ANXA4: variants seen among roughly 807,000 people sequenced by gnomAD.
The protein encoded by ANXA4 is 35-beta calcimedin.
A neutral mutation model predicts 49.8 loss-of-function variants in ANXA4; 39 were observed. The ratio of observed to expected loss-of-function variants is 0.78; its 90% confidence interval spans 0.61 to 1.02. The LOEUF (loss-of-function observed/expected upper bound fraction) is 1.02, where lower values mean the gene tolerates loss of function less well. ANXA4 is among the 50% of genes least tolerant of loss of function. ANXA4 has a pLI of 0.00. For missense variants in ANXA4, 360 were observed against 410.1 expected, an observed-to-expected ratio of 0.88 and a Z score of 1.05; for synonymous variants, 134 against 152.5, an observed-to-expected ratio of 0.88 and a Z score of 0.89.
intron 2 of ANXA4, among the ~76,000 whole-genome samples, chr2:69,667,556 A>G (rs967794353): frequency 3.0e-4 from 46 of 152,108 alleles, no homozygotes; most frequent in Admixed American, 2.6e-4. Flanking sequence ...CTATCTGTAG[A>G]GAACTGGACA....
intron 3 of ANXA4, among the ~76,000 whole-genome samples, chr2:69,724,780 C>G (rs1669915244): frequency 1.2e-5 from 1 of 86,568 alleles, no homozygotes; most frequent in African/African-American, 5.7e-5. Flanking sequence ...GAAAGATGAA[C>G]TCATTCGGCC....
chr2:69,726,336 C>G (rs148287471), intron 3 of ANXA4, among the ~76,000 whole-genome samples: 1 of 152,300 alleles, frequency 6.6e-6, no homozygotes, highest in African/African-American at 2.4e-5. Flanking sequence ...AATTAAACCT[C>G]TTTTCTTTAT....
intron 3 of ANXA4, among the ~76,000 whole-genome samples, chr2:69,721,363 C>A (rs1024678488): frequency 4.6e-5 from 7 of 152,208 alleles, no homozygotes; most frequent in African/African-American, 1.7e-4. Flanking sequence ...ACTGCAAAGG[C>A]ATTGGAAGGT....
intron 8 of ANXA4, among the ~76,000 whole-genome samples, chr2:69,813,756 CTCT>C (rs1377579272): frequency 1.2e-5 from 1 of 84,680 alleles, no homozygotes; most frequent in Non-Finnish European, 2.7e-5. Flanking sequence ...CTCTCTCTCT[CTCT>C]TTTTTTTTTT....
At chr2:69,778,007 T>G (rs376952813) in intron 1 of ANXA4, among the ~76,000 whole-genome samples, 28 of 152,338 alleles carry the variant, frequency 1.8e-4, no homozygotes, top group African/African-American at 6.3e-4. Context: ...AACAAACACG[T>G]GTGACTGTTC....
chr2:69,694,365 CT>C (rs5831981), intron 2 of ANXA4, among the ~76,000 whole-genome samples: 111 of 138,890 alleles, frequency 8.0e-4, no homozygotes, highest in South Asian at 1.9e-3. Flanking sequence ...CAATACATTT[CT>C]TTTTTTTTTT....
intron 1 of ANXA4, among the ~76,000 whole-genome samples, chr2:69,766,195 T>C (rs992069615): frequency 1.3e-5 from 2 of 152,170 alleles, no homozygotes; most frequent in Non-Finnish European, 2.9e-5. Context: ...GCCACAGATG[T>C]TTTTCATGTG....
At chr2:69,798,686 A>G (rs1251262308) in intron 3 of ANXA4, among the ~76,000 whole-genome samples, 1 of 152,224 alleles carries the variant, frequency 6.6e-6, no homozygotes, top group East Asian at 1.9e-4. Flanking sequence ...TGGCTCCTTA[A>G]TCAGCTGTCA....
chr2:69,759,987 C>A (rs1671213085), intron 1 of ANXA4, among the ~76,000 whole-genome samples: 1 of 152,092 alleles, frequency 6.6e-6, no homozygotes, highest in South Asian at 2.1e-4. Context: ...TGCCCGCCAC[C>A]ATGCCCGGCT....
chr2:69,752,672 G>A (rs527284709), intron 1 of ANXA4, among the ~76,000 whole-genome samples: 5 of 152,302 alleles, frequency 3.3e-5, no homozygotes, highest in Admixed American at 3.3e-4. Flanking sequence ...TCCACTGAGG[G>A]CAGGGACGAT....
At chr2:69,644,168 C>CTGGG, upstream of ANXA4, among the ~76,000 whole-genome samples, 1 of 12,484 alleles carries the variant, frequency 8.0e-5, no homozygotes, top group African/African-American at 2.0e-4. Flanking sequence ...ACTAAGTTCC[C>CTGGG]CCCCCCCCCC....
intron 12 of ANXA4, among the ~76,000 whole-genome samples, chr2:69,821,871 G>C (rs1674258376): frequency 6.6e-6 from 1 of 152,096 alleles, no homozygotes; most frequent in Admixed American, 6.5e-5. Flanking sequence ...TAAGATTCAA[G>C]GATGACGGTA....
chr2:69,746,161 G>A (rs921068416), intron 1 of ANXA4, among the ~76,000 whole-genome samples: 13 of 152,164 alleles, frequency 8.5e-5, no homozygotes, highest in African/African-American at 2.9e-4. Flanking sequence ...ACAGGCACAC[G>A]CCACCATGCC....
chr2:69,716,163 GAGTA>G (rs139143262), intron 2 of ANXA4, among the ~76,000 whole-genome samples: 2,415 of 152,264 alleles, frequency 0.016, 56 homozygotes, highest in African/African-American at 0.054. Context: ...ATGTACATAT[GAGTA>G]AGAGAGAGAG....
intron 2 of ANXA4, among the ~76,000 whole-genome samples, chr2:69,697,053 T>C (rs1678182834): frequency 6.6e-6 from 1 of 152,208 alleles, no homozygotes; most frequent in East Asian, 1.9e-4. Flanking sequence ...GAGTCGCCTG[T>C]CCTTTGAAGC....
intron 1 of ANXA4, among the ~76,000 whole-genome samples, chr2:69,760,063 A>C (rs894665242): frequency 1.3e-5 from 2 of 151,868 alleles, no homozygotes. Flanking sequence ...CTATCTCCTG[A>C]CCTCGTGATC....
Position 69,761,475 on chromosome 2 carries a change from C to T in ANXA4, c.-47+19300C>T, listed in dbSNP as rs531925034. On this transcript the variant is annotated intron_variant, in intron 1 of 12. Coordinates refer to ENST00000394295, the MANE Select transcript of ANXA4 (RefSeq NM_001153.5). Reference sequence around the variant, plus strand: ...CATGTTTTTTAAAAGAATTTCACTTCGAAGTGAAAAGGCTCTCGCTTTTAA... The same window carrying T: ...CATGTTTTTTAAAAGAATTTCACTTTGAAGTGAAAAGGCTCTCGCTTTTAA... Among the ~76,000 whole-genome samples, 83 of 152,178 alleles carry T rather than the reference C, an allele frequency of 5.5e-4. 1 individual carries two copies. The highest frequency in any genetic ancestry group is 1.9e-3 in the Admixed American group (29 of 15,276).
chr2:69,695,874 A>C (rs1678143833), intron 2 of ANXA4, among the ~76,000 whole-genome samples: 1 of 152,086 alleles, frequency 6.6e-6, no homozygotes, highest in African/African-American at 2.4e-5. Context: ...TACGTCTTAA[A>C]AAAGTATATA....
intron 3 of ANXA4, among the ~76,000 whole-genome samples, chr2:69,801,867 G>A (rs936439878): frequency 6.6e-5 from 10 of 152,260 alleles, no homozygotes; most frequent in African/African-American, 2.4e-4. Flanking sequence ...ACAGACATGC[G>A]GGAATGACCC....
Sources: allele counts gnomAD v4.1 joint callset (sites outside exome capture counted in the v4.1 genomes callset), GRCh38; gene constraint gnomAD v4.1.1; transcripts MANE v1.5; gene names NCBI Gene and HGNC (gene_info 2026-07-23, HGNC 2026-07-21).